The following ADAMTSL1 variants were observed in gnomAD, a reference collection of about 807,000 sequenced individuals.
The protein encoded by ADAMTSL1 is ADAMTS like 1, also known as ADAMTS-like protein 1.
ADAMTSL1 carries 126 observed loss-of-function variants against 201.8 expected under a neutral mutation model. That is an observed-to-expected ratio of 0.62 (90% CI 0.54 to 0.72). The LOEUF (loss-of-function observed/expected upper bound fraction) is 0.72, where lower values mean the gene tolerates loss of function less well. ADAMTSL1 is among the 30% of genes least tolerant of loss of function. The pLI, the probability that ADAMTSL1 is intolerant of heterozygous loss-of-function variation, is 0.00. For synonymous variants in ADAMTSL1, 1,121 were observed against 903.4 expected (o/e 1.24, Z -4.32); for missense variants, 2,679 against 2,277.8 (o/e 1.18, Z -3.59).
intron 13 of ADAMTSL1, among the ~76,000 whole-genome samples, chr9:18,703,701 C>CATACATATATATATATATATATAT (rs1295764808): frequency 1.9e-4 from 15 of 78,804 alleles, no homozygotes; most frequent in African/African-American, 7.0e-4. Flanking sequence ...TGCGCACATA[C>CATACATATATATATATATATATAT]ATATATATAT....
chr9:18,291,765 A>ACG (rs1833282528), intron 2 of ADAMTSL1, among the ~76,000 whole-genome samples: 2 of 147,954 alleles, frequency 1.4e-5, no homozygotes, highest in African/African-American at 5.0e-5. Context: ...ACACACACAC[A>ACG]CACACACACA....
At chr9:18,069,829 G>A (rs1238420614) in intron 1 of ADAMTSL1, among the ~76,000 whole-genome samples, 2 of 152,186 alleles carry the variant, frequency 1.3e-5, no homozygotes, top group East Asian at 1.9e-4. Context: ...TAATGGCATT[G>A]GTGGTGCAGA....
chr9:18,868,824 C>T (rs1827703671), intron 23 of ADAMTSL1, among the ~76,000 whole-genome samples: 1 of 152,172 alleles, frequency 6.6e-6, no homozygotes, highest in South Asian at 2.1e-4. Context: ...TTCAAACTCT[C>T]TTCTTTGTCT....
intron 14 of ADAMTSL1, among the ~76,000 whole-genome samples, chr9:18,708,939 T>C (rs1282646700): frequency 1.3e-5 from 2 of 152,236 alleles, no homozygotes; most frequent in Non-Finnish European, 2.9e-5. Context: ...TAATTTAAAA[T>C]GTTTTTAGAA....
chr9:18,425,776 A>C (rs1819186461), intron 2 of ADAMTSL1, among the ~76,000 whole-genome samples: 2 of 148,772 alleles, frequency 1.3e-5, no homozygotes, highest in African/African-American at 4.9e-5. Context: ...GAAGAGCTTG[A>C]GCCCAGAAGT....
At chr9:18,888,877 C>G (rs79578908) in intron 24 of ADAMTSL1, among the ~76,000 whole-genome samples, 1,921 of 152,276 alleles carry the variant, frequency 0.013, 52 homozygotes, top group African/African-American at 0.044. Flanking sequence ...GACAGGAAAA[C>G]AAATGTTTTC....
At chr9:18,471,923 G>A (rs1158246681), upstream of ADAMTSL1, among the ~76,000 whole-genome samples, 1 of 152,158 alleles carries the variant, frequency 6.6e-6, no homozygotes, top group Non-Finnish European at 1.5e-5. Flanking sequence ...GCATGTAAGT[G>A]GTTCCCAGTT....
chr9:18,451,311 A>C (rs1037371693), intron 2 of ADAMTSL1, among the ~76,000 whole-genome samples: 5 of 152,210 alleles, frequency 3.3e-5, no homozygotes, highest in Non-Finnish European at 7.3e-5. Flanking sequence ...GCCACATAAG[A>C]TAACTTGCTG....
At chr9:18,573,958 A>G (rs889339097) in intron 3 of ADAMTSL1, 72 bp from the exon 4 acceptor site, 3 of 1,247,472 alleles carry the variant, frequency 2.4e-6, no homozygotes, top group Non-Finnish European at 3.4e-6. Context: ...AGCAGACCAT[A>G]TAGCTGCTCT....
At chr9:18,704,510 G>A (rs1024720175) in intron 13 of ADAMTSL1, among the ~76,000 whole-genome samples, 16 of 152,140 alleles carry the variant, frequency 1.1e-4, no homozygotes, top group African/African-American at 3.1e-4. Context: ...AAGTTAGCAG[G>A]CTAATCATTT....
chr9:18,287,082 T>C (rs1416967925), intron 2 of ADAMTSL1, among the ~76,000 whole-genome samples: 2 of 152,178 alleles, frequency 1.3e-5, no homozygotes, highest in South Asian at 2.1e-4. Context: ...ATGTCTGCCA[T>C]GGGTCAACTG....
At chr9:18,177,007 T>C (rs1828197335) in intron 2 of ADAMTSL1, among the ~76,000 whole-genome samples, 1 of 152,242 alleles carries the variant, frequency 6.6e-6, no homozygotes, top group African/African-American at 2.4e-5. Context: ...TTTGCAATTA[T>C]ATTCCCACAT....
chr9:18,839,962 A>G (rs917387009), intron 23 of ADAMTSL1, among the ~76,000 whole-genome samples: 5 of 149,822 alleles, frequency 3.3e-5, no homozygotes, highest in African/African-American at 1.2e-4. Flanking sequence ...TAGGTTGCGA[A>G]AATTTTCTCC....
chr9:18,175,471 C>T (rs1473579487), intron 2 of ADAMTSL1, among the ~76,000 whole-genome samples: 2 of 152,130 alleles, frequency 1.3e-5, no homozygotes, highest in East Asian at 1.9e-4. Flanking sequence ...TTTGGGATGT[C>T]GTATTCCTGA....
chr9:18,868,166 C>T (rs913567916), intron 23 of ADAMTSL1, among the ~76,000 whole-genome samples: 1 of 151,988 alleles, frequency 6.6e-6, no homozygotes, highest in African/African-American at 2.4e-5. Context: ...TCTAGAAGTC[C>T]AATTGATTTT....
At chr9:18,606,239 C>A (rs1402944832) in intron 4 of ADAMTSL1, among the ~76,000 whole-genome samples, 1 of 152,088 alleles carries the variant, frequency 6.6e-6, no homozygotes, top group Non-Finnish European at 1.5e-5. Context: ...TATAGGCAAG[C>A]ATTGAAAATA....
chr9:18,404,072 A>G (rs1364129528), intron 2 of ADAMTSL1, among the ~76,000 whole-genome samples: 2 of 152,150 alleles, frequency 1.3e-5, no homozygotes, highest in Non-Finnish European at 2.9e-5. Flanking sequence ...TAATGCTATA[A>G]TCTTTATAAG....
chr9:18,858,048 A>AG (rs1484389203), intron 23 of ADAMTSL1, among the ~76,000 whole-genome samples: 28 of 81,406 alleles, frequency 3.4e-4, no homozygotes, highest in Admixed American at 1.2e-3. Flanking sequence ...AGTACCCAGA[A>AG]TTTAAAAAAA....
chr9:18,325,632 G>T (rs1834799940), intron 2 of ADAMTSL1, among the ~76,000 whole-genome samples: 1 of 152,178 alleles, frequency 6.6e-6, no homozygotes, highest in South Asian at 2.1e-4. Flanking sequence ...AGATCAAGGT[G>T]CTAGCCTCTG....
Sources: gnomAD v4.1 joint callset for allele counts (sites outside exome capture counted in the v4.1 genomes callset) on GRCh38, gnomAD v4.1.1 for gene constraint, MANE v1.5 for transcripts, NCBI Gene and HGNC (gene_info 2026-07-23, HGNC 2026-07-21) for gene names.